The following PLCXD3 variants were observed in gnomAD, a reference collection of about 807,000 sequenced individuals.
PLCXD3 encodes phosphatidylinositol specific phospholipase C X domain containing 3, also known as PI-PLC X domain-containing protein 3.
A neutral mutation model predicts 25.5 loss-of-function variants in PLCXD3; 19 were observed. That is an observed-to-expected ratio of 0.75 (90% CI 0.52 to 1.09). The LOEUF (loss-of-function observed/expected upper bound fraction) is 1.09. Ranked by LOEUF, PLCXD3 falls within the 50% of genes least tolerant of loss-of-function variation. The probability of loss-of-function intolerance (pLI) is 0.00; values close to 1 mark genes in which losing one functional copy is unlikely to be tolerated. For missense variants in PLCXD3, 411 were observed against 388.1 expected (o/e 1.06, Z -0.50); for synonymous variants, 174 against 137.6 (o/e 1.26, Z -1.85).
At chr5:41,402,955 C>T (rs1746230151) in intron 1 of PLCXD3, among the ~76,000 whole-genome samples, 1 of 152,064 alleles carries the variant, frequency 6.6e-6, no homozygotes, top group Non-Finnish European at 1.5e-5. Context: ...TCCAGTCTGA[C>T]AATGTCTGCT....
At chr5:41,447,158 A>C (rs1747523113) in intron 1 of PLCXD3, among the ~76,000 whole-genome samples, 1 of 152,198 alleles carries the variant, frequency 6.6e-6, no homozygotes, top group Admixed American at 6.5e-5. Context: ...ACTCTTATCC[A>C]GTTCCTGATT....
chr5:41,406,375 C>G (rs1264777187), intron 1 of PLCXD3, among the ~76,000 whole-genome samples: 4 of 152,156 alleles, frequency 2.6e-5, no homozygotes, highest in Non-Finnish European at 5.9e-5. Flanking sequence ...TATCTGACAA[C>G]TAAATTTTAT....
rs538714664 is a variant in PLCXD3, at chr5:41,340,641, C to T, written c.813-26871G>A. ...TACCAACACTGACCCCAGGGACAGG[C>T]CAAGGCAAGGAAAGAGTCTTCTCCA... On this transcript the variant is annotated intron_variant, in intron 2 of 2. Coordinates refer to ENST00000377801, the MANE Select transcript of PLCXD3 (RefSeq NM_001005473.3). Among the ~76,000 whole-genome samples the T allele has an allele frequency of 4.6e-5, 7 of 152,216 alleles. No homozygotes were observed. The South Asian group carries it at 1.2e-3, about 27-fold the overall frequency.
At position 41,454,050 on chromosome 5, in the gene PLCXD3, A is replaced by G. The variant is rs145024140; in HGVS notation, c.103+56374T>C. ...GGAATCTATTAAGTCACACAAGAAC[A>G]CCTCAAAACACCAGAACTCCTTTGA... is the stretch of plus-strand genomic sequence containing the variant. On this transcript the variant is annotated intron_variant, in intron 1 of 2. Coordinates refer to ENST00000377801, the MANE Select transcript of PLCXD3 (RefSeq NM_001005473.3). Among the ~76,000 whole-genome samples the G allele has an allele frequency of 1.8e-3, 274 of 152,120 alleles. 2 individuals carry two copies. The highest frequency in any genetic ancestry group is 6.4e-3 in the African/African-American group (265 of 41,514).
At chr5:41,455,896 A>G (rs1747741810) in intron 1 of PLCXD3, among the ~76,000 whole-genome samples, 2 of 151,994 alleles carry the variant, frequency 1.3e-5, no homozygotes, top group Admixed American at 6.6e-5. Flanking sequence ...AGAGAACAAG[A>G]AACACAGTTA....
intron 2 of PLCXD3, among the ~76,000 whole-genome samples, chr5:41,331,173 A>C (rs1743792357): frequency 6.6e-6 from 1 of 152,208 alleles, no homozygotes; most frequent in Admixed American, 6.5e-5. Flanking sequence ...TTTGCAGATG[A>C]CATGATTGTA....
intron 2 of PLCXD3, among the ~76,000 whole-genome samples, chr5:41,369,792 T>G (rs1309496489): frequency 6.6e-6 from 1 of 152,320 alleles, no homozygotes; most frequent in African/African-American, 2.4e-5. Flanking sequence ...TAATAGCTTT[T>G]GATAGAGTTA....
intron 2 of PLCXD3, among the ~76,000 whole-genome samples, chr5:41,340,765 C>G (rs910652558): frequency 2.0e-5 from 3 of 152,102 alleles, no homozygotes; most frequent in Non-Finnish European, 2.9e-5. Flanking sequence ...TTGCAGTCGG[C>G]AGGAAAGAAC....
chr5:41,371,633 A>G (rs562840619), intron 2 of PLCXD3, among the ~76,000 whole-genome samples: 1 of 152,176 alleles, frequency 6.6e-6, no homozygotes, highest in Non-Finnish European at 1.5e-5. Context: ...TGTCTCATGT[A>G]TGAACCCCAT....
At chr5:41,400,387 C>A (rs897986487) in intron 1 of PLCXD3, among the ~76,000 whole-genome samples, 4 of 152,014 alleles carry the variant, frequency 2.6e-5, no homozygotes, top group Non-Finnish European at 5.9e-5. Flanking sequence ...AGCTGAATTC[C>A]TATGTTTGTT....
chr5:41,419,064 C>T (rs1169350871), intron 1 of PLCXD3, among the ~76,000 whole-genome samples: 1 of 152,078 alleles, frequency 6.6e-6, no homozygotes, highest in Non-Finnish European at 1.5e-5. Context: ...TTATTAGTTC[C>T]CTCTTCTCAC....
At chr5:41,399,247 A>C (rs1746105034) in intron 1 of PLCXD3, among the ~76,000 whole-genome samples, 1 of 152,214 alleles carries the variant, frequency 6.6e-6, no homozygotes, top group Admixed American at 6.5e-5. Flanking sequence ...AAGAATCACT[A>C]TTGTGAAAAT....
In PLCXD3 at chr5:41,510,436, A is replaced by C. The variant is rs762771289; in HGVS notation, c.91T>G (p.Leu31Val). 23 of 1,608,376 alleles carry C rather than the reference A, an allele frequency of 1.4e-5. No individual in the cohort carries two copies. In the Admixed American group the frequency reaches 1.7e-4, roughly 12 times the overall value. ...CCTGCGCGCCTACCTGGAATGGCTAAATTGGTGAGGGGGATGCTGTGCATG... is the reference window on the plus strand; with the variant it reads ...CCTGCGCGCCTACCTGGAATGGCTACATTGGTGAGGGGGATGCTGTGCATG... ...ESMHSIPLTNLAIPGSHDSFS... is the reference protein window; with the variant it reads ...ESMHSIPLTNVAIPGSHDSFS... Residue 31 changes from leucine to valine, a missense_variant, in exon 1 of 3, where the codon TTA (leucine) becomes GTA (valine). Transcript: ENST00000377801.
intron 2 of PLCXD3, among the ~76,000 whole-genome samples, chr5:41,354,069 T>G (rs1236040188): frequency 6.6e-6 from 1 of 152,224 alleles, no homozygotes; most frequent in African/African-American, 2.4e-5. Flanking sequence ...CACAGCTTTT[T>G]TGCAACCACT....
chr5:41,358,100 A>G (rs72755982), intron 2 of PLCXD3, among the ~76,000 whole-genome samples: 13,532 of 152,246 alleles, frequency 0.089, 904 homozygotes, highest in East Asian at 0.35. Flanking sequence ...TATGTACCAG[A>G]CAGAGAGCTA....
At chr5:41,452,408 A>G (rs187408909) in intron 1 of PLCXD3, among the ~76,000 whole-genome samples, 14 of 152,162 alleles carry the variant, frequency 9.2e-5, no homozygotes, top group Admixed American at 6.6e-4. Flanking sequence ...TTATAAGCAG[A>G]GACTATAAGG....
intron 1 of PLCXD3, among the ~76,000 whole-genome samples, chr5:41,499,131 A>G (rs1306298478): frequency 6.6e-6 from 1 of 151,516 alleles, no homozygotes; most frequent in Non-Finnish European, 1.5e-5. Context: ...TTAACATAAT[A>G]CTATACACCC....
At chr5:41,470,864 G>C (rs765683994) in intron 1 of PLCXD3, among the ~76,000 whole-genome samples, 2 of 152,122 alleles carry the variant, frequency 1.3e-5, no homozygotes, top group Non-Finnish European at 2.9e-5. Context: ...CTGATCTGCC[G>C]GCAGTGAGTC....
intron 2 of PLCXD3, among the ~76,000 whole-genome samples, chr5:41,379,980 G>A (rs1013135574): frequency 2.0e-5 from 3 of 152,056 alleles, no homozygotes; most frequent in Non-Finnish European, 2.9e-5. Context: ...GAGCAGTCCC[G>A]GCTAATGGAC....
Sources: gnomAD v4.1 joint callset for allele counts (sites outside exome capture counted in the v4.1 genomes callset) on GRCh38, gnomAD v4.1.1 for gene constraint, MANE v1.5 for transcripts, NCBI Gene and HGNC (gene_info 2026-07-23, HGNC 2026-07-21) for gene names.